BMERB1: variants seen among roughly 807,000 people sequenced by gnomAD.
BMERB1 encodes the protein bMERB domain-containing protein 1.
In BMERB1, 12 loss-of-function variants were observed where a neutral mutation model predicts 23.6. That is an observed-to-expected ratio of 0.51 (90% CI 0.33 to 0.82). The LOEUF is 0.82. Among genes scored for constraint, BMERB1 ranks in the 40% least tolerant of loss-of-function variants. The pLI, the probability that BMERB1 is intolerant of heterozygous loss-of-function variation, is 0.03. For synonymous variants in BMERB1, 122 were observed against 96.6 expected (o/e 1.26, Z -1.54); for missense variants, 247 against 255.4 (o/e 0.97, Z 0.22).
intron 2 of BMERB1, among the ~76,000 whole-genome samples, chr16:15,517,619 AAAATAC>A (rs967487232): frequency 6.6e-6 from 1 of 152,104 alleles, no homozygotes; most frequent in Non-Finnish European, 1.5e-5. Flanking sequence ...AAAAAATTTA[AAAATAC>A]AAATACAAAT....
At chr16:15,458,121 A>G (rs1413274845) in intron 1 of BMERB1, among the ~76,000 whole-genome samples, 1 of 152,334 alleles carries the variant, frequency 6.6e-6, no homozygotes, top group South Asian at 2.1e-4. Context: ...AAGCCTAACC[A>G]TATCAGACTT....
At chr16:15,514,692 C>T (rs1187918335) in intron 1 of BMERB1, among the ~76,000 whole-genome samples, 2 of 152,072 alleles carry the variant, frequency 1.3e-5, no homozygotes, top group East Asian at 1.9e-4. Flanking sequence ...GTGGGAGAAT[C>T]GCCTGAACCT....
At chr16:15,503,676 C>T (rs1211563627) in intron 1 of BMERB1, among the ~76,000 whole-genome samples, 1 of 152,132 alleles carries the variant, frequency 6.6e-6, no homozygotes, top group Non-Finnish European at 1.5e-5. Context: ...TATATCATCC[C>T]ATTTCATCCC....
At chr16:15,536,452 C>G (rs979594708) in intron 2 of BMERB1, 1 of 152,382 alleles carries the variant, frequency 6.6e-6, no homozygotes, top group Non-Finnish European at 1.5e-5. Flanking sequence ...CTCCACCCTT[C>G]CCAGACCGCC....
chr16:15,524,255 TTGCAGAAGATC>T (rs1457962986), intron 2 of BMERB1, among the ~76,000 whole-genome samples: 6 of 152,066 alleles, frequency 3.9e-5, no homozygotes, highest in African/African-American at 1.4e-4. Flanking sequence ...ATGCCCTTAA[TTGCAGAAGATC>T]TAAGAAGCAG....
At chr16:15,501,285 T>C (rs1051852205) in intron 1 of BMERB1, among the ~76,000 whole-genome samples, 4 of 130,474 alleles carry the variant, frequency 3.1e-5, no homozygotes, top group Non-Finnish European at 4.9e-5. Context: ...CAGCTCTTTT[T>C]ACTTTTTTTT....
intron 2 of BMERB1, among the ~76,000 whole-genome samples, chr16:15,557,235 G>A (rs375554622): frequency 7.9e-5 from 12 of 152,082 alleles, no homozygotes; most frequent in Admixed American, 4.6e-4. Flanking sequence ...TTTTCCTTCC[G>A]AACATTAATC....
chr16:15,577,255 T>C (rs939584580), intron 3 of BMERB1: 3 of 152,194 alleles, frequency 2.0e-5, no homozygotes, highest in African/African-American at 7.2e-5. Context: ...CTTGACTATG[T>C]CTACAGCTCG....
chr16:15,459,480 A>G (rs562042349), intron 1 of BMERB1, among the ~76,000 whole-genome samples: 2 of 152,304 alleles, frequency 1.3e-5, no homozygotes, highest in East Asian at 1.9e-4. Context: ...GAGTGGCTAT[A>G]TTAATATCAG....
intron 1 of BMERB1, among the ~76,000 whole-genome samples, chr16:15,464,726 G>A (rs1209688333): frequency 6.6e-6 from 1 of 152,174 alleles, no homozygotes; most frequent in Non-Finnish European, 1.5e-5. Flanking sequence ...GCATGCTAAT[G>A]CATCATAATT....
At position 15,587,723 on chromosome 16, in the gene BMERB1, G is replaced by A. The variant is rs932350341; in HGVS notation, c.*894G>A. ...GGACCTTTGTAAAGAACAGCAACAGGCAGGAGAGGCAGCGTGTGACCAGAT... is the reference window on the plus strand; with the variant it reads ...GGACCTTTGTAAAGAACAGCAACAGACAGGAGAGGCAGCGTGTGACCAGAT... On this transcript the variant is annotated 3_prime_UTR_variant, in exon 6 of 6. Coordinates refer to ENST00000300006, the MANE Select transcript of BMERB1 (RefSeq NM_033201.3). 3.5e-6 allele frequency: 1 copy of A among 287,836 alleles called. No individual in the cohort carries two copies. The allele number at this position is 287,836 out of a possible 1,614,324, so 17.8% of individuals were successfully genotyped here. A position where few individuals can be genotyped will look rare whatever the true frequency, so the allele number is the denominator to read the frequency against.
At chr16:15,472,415 A>G (rs756529207) in intron 1 of BMERB1, among the ~76,000 whole-genome samples, 3 of 152,200 alleles carry the variant, frequency 2.0e-5, no homozygotes, top group Non-Finnish European at 2.9e-5. Flanking sequence ...TCTTTGTTTC[A>G]TGCATCTTCA....
At chr16:15,533,053 A>G (rs2051985291) in intron 2 of BMERB1, 1 of 455,486 alleles carries the variant, frequency 2.2e-6, no homozygotes. Flanking sequence ...TTAAATAGCC[A>G]TGCATCCAGT....
intron 1 of BMERB1, among the ~76,000 whole-genome samples, chr16:15,462,594 GGGAGAGGAGGCC>G (rs1194125615): frequency 6.6e-6 from 1 of 152,138 alleles, no homozygotes; most frequent in African/African-American, 2.4e-5. Context: ...AGCTGCACCT[GGGAGAGGAGGCC>G]GGAGAGGGGA....
intron 1 of BMERB1, among the ~76,000 whole-genome samples, chr16:15,511,937 TG>T (rs1434014691): frequency 7.9e-6 from 1 of 126,408 alleles, no homozygotes; most frequent in Non-Finnish European, 1.6e-5. Flanking sequence ...TGCTGGAGCC[TG>T]GGAGGCAGAG....
At chr16:15,459,741 A>G (rs2051119547) in intron 1 of BMERB1, among the ~76,000 whole-genome samples, 1 of 152,146 alleles carries the variant, frequency 6.6e-6, no homozygotes, top group South Asian at 2.1e-4. Context: ...ACTCCATTCT[A>G]AGGTGTTATC....
At chr16:15,563,302 C>T (rs2150970488) in intron 2 of BMERB1, among the ~76,000 whole-genome samples, 1 of 147,688 alleles carries the variant, frequency 6.8e-6, no homozygotes, top group South Asian at 2.1e-4. Context: ...CCCGCTGCAA[C>T]CTCCGCCTCC....
At chr16:15,528,943 G>T (rs958464566) in intron 2 of BMERB1, among the ~76,000 whole-genome samples, 7 of 152,108 alleles carry the variant, frequency 4.6e-5, no homozygotes, top group Non-Finnish European at 7.4e-5. Context: ...TGAGGAAGAG[G>T]TCCTCACCAG....
At chr16:15,512,982 G>T (rs903439152) in intron 1 of BMERB1, among the ~76,000 whole-genome samples, 1 of 152,126 alleles carries the variant, frequency 6.6e-6, no homozygotes, top group East Asian at 1.9e-4. Flanking sequence ...AAAGACAGAC[G>T]CCCTTGTAGA....
Sources: gnomAD v4.1 joint callset for allele counts (sites outside exome capture counted in the v4.1 genomes callset) on GRCh38, gnomAD v4.1.1 for gene constraint, MANE v1.5 for transcripts, NCBI Gene and HGNC (gene_info 2026-07-23, HGNC 2026-07-21) for gene names.